Variants in MFSD12 observed in about 807,000 individuals in gnomAD.
MFSD12 encodes the protein major facilitator superfamily domain-containing protein 12.
Under a neutral mutation model 51.2 loss-of-function variants are expected in MFSD12, and 67 were observed. The ratio of observed to expected loss-of-function variants is 1.31; its 90% CI spans 1.08 to 1.60. MFSD12 has a LOEUF of 1.60. Ranked by LOEUF, MFSD12 falls within the 40% of genes most tolerant of loss-of-function variation. The pLI is 0.00. For missense variants in MFSD12, 921 were observed against 673.0 expected (o/e 1.37, Z -4.08); for synonymous variants, 441 against 316.7 (o/e 1.39, Z -4.17).
chr19:3,556,157 C>T (rs1379228111), intron 1 of MFSD12, among the ~76,000 whole-genome samples: 1 of 152,260 alleles, frequency 6.6e-6, no homozygotes, highest in Non-Finnish European at 1.5e-5. Flanking sequence ...CCTCAAACTG[C>T]TGACGCACCA....
chr19:3,545,754 T>G (rs1256867252), intron 8 of MFSD12, among the ~76,000 whole-genome samples: 2 of 152,244 alleles, frequency 1.3e-5, no homozygotes, highest in Non-Finnish European at 2.9e-5. Flanking sequence ...TGCTGTGGTC[T>G]AGAACCATCC....
At chr19:3,543,907 G>A (rs772322108), downstream of MFSD12, 112 of 1,550,960 alleles carry the variant, frequency 7.2e-5, 2 homozygotes, top group South Asian at 4.5e-4. Context: ...GCACCCCAGC[G>A]CCCGCCCGGC....
downstream of MFSD12, chr19:3,539,262 TGAG>T: frequency 6.5e-7 from 1 of 1,543,674 alleles, no homozygotes; most frequent in Non-Finnish European, 8.8e-7. Flanking sequence ...GCTGTACAGG[TGAG>T]CCCCTCCCTA....
chr19:3,544,802 G>A lies in MFSD12; in HGVS notation c.1420+7C>T. The A allele has an allele frequency of 6.2e-7, 1 of 1,611,876 alleles. No homozygotes were observed. ...GTCTGGGGAGGGAGGGGTGGGCCAG[G>A]ACTCACAGCGTCGCAGGCGGGTCGG... On this transcript the variant is annotated splice_region_variant and intron_variant, in intron 9 of 9. Coordinates refer to ENST00000355415, the MANE Select transcript of MFSD12 (RefSeq NM_174983.5).
At chr19:3,549,332 C>T (rs955378289) in intron 2 of MFSD12, among the ~76,000 whole-genome samples, 1 of 152,202 alleles carries the variant, frequency 6.6e-6, no homozygotes, top group African/African-American at 2.4e-5. Context: ...ATGTTACTCC[C>T]AGGATGTAGC....
At chr19:3,541,381 G>A (rs895562252), downstream of MFSD12, among the ~76,000 whole-genome samples, 4 of 150,916 alleles carry the variant, frequency 2.7e-5, no homozygotes, top group East Asian at 2.0e-4. Context: ...GGAGTGCAGT[G>A]GAATGATCTC....
Position 3,544,915 on chromosome 19 carries a change from G to C in MFSD12, c.1314C>G (p.Cys438Trp), listed in dbSNP as rs747590330. The part of the protein sequence containing the change: ...PCPSELCCRA[C>W]VSFYHWAMVA... ...CCATCGCCCAGTGGTAAAAGCTCACGCAGGCCCTGCAGCAGAGCTCTGAGC... is the reference window on the plus strand; with the variant it reads ...CCATCGCCCAGTGGTAAAAGCTCACCCAGGCCCTGCAGCAGAGCTCTGAGC... Residue 438 changes from cysteine (C) to tryptophan (W), a missense_variant, in exon 9 of 10, where the codon TGC becomes TGG. Transcript: ENST00000355415. 3.8e-5 allele frequency: 61 copies of C among 1,610,046 alleles called. No individual in the cohort carries two copies.
chr19:3,546,759 G>C (rs1488412164), intron 6 of MFSD12, among the ~76,000 whole-genome samples: 4 of 152,242 alleles, frequency 2.6e-5, no homozygotes, highest in South Asian at 2.1e-4. Context: ...GAAAGCGCCA[G>C]AGCTCCATGG....
Position 3,557,174 on chromosome 19 carries a change from C to T in MFSD12, c.230G>A (p.Gly77Asp), listed in dbSNP as rs1316178502. 1.9e-6 allele frequency: 3 copies of T among 1,540,440 alleles called. No individual in the cohort carries two copies. The highest frequency in any genetic ancestry group is 2.6e-6 in the Non-Finnish European group (3 of 1,145,954). The change falls in exon 1 of 10, where the codon GGC becomes GAC. Residue 77 changes from glycine to aspartate, a missense_variant. Gly to Asp is a moderately conservative substitution (Grantham distance 94). Transcript: ENST00000355415. ...VADGLCTPLV[G>D]YEADRAASCC... ...GCTGGCGGCGCGGTCGGCCTCGTAG[C>T]CCACGAGCGGTGTGCACAGCCCGTC...
chr19:3,554,613 C>G (rs2031644454), intron 1 of MFSD12, among the ~76,000 whole-genome samples: 1 of 152,222 alleles, frequency 6.6e-6, no homozygotes, highest in Non-Finnish European at 1.5e-5. Flanking sequence ...GTTTCTGCTA[C>G]TTGGAATGCG....
chr19:3,554,938 A>C (rs1370101677), intron 1 of MFSD12, among the ~76,000 whole-genome samples: 2 of 151,818 alleles, frequency 1.3e-5, no homozygotes, highest in African/African-American at 4.8e-5. Context: ...CTCCAGGCCC[A>C]CCCAGGTGGC....
chr19:3,551,291 C>T lies in MFSD12; in HGVS notation c.299-97G>A. ...GGGAGGAGAGAGGGAAACTGAGGCA[C>T]AGATGGAGACGCCCCCCGCATGCAC... is the stretch of plus-strand genomic sequence containing the variant. On this transcript the variant is annotated intron_variant, in intron 1 of 9. Coordinates refer to ENST00000355415, the MANE Select transcript of MFSD12 (RefSeq NM_174983.5). This position sits in a 1 kb window ranked among gnomAD's most constrained non-coding sequence, Gnocchi z 4.6. The T allele has an allele frequency of 1.0e-6, 1 of 961,754 alleles. No homozygotes were observed. The highest frequency in any genetic ancestry group is 1.5e-6 in the Non-Finnish European group (1 of 657,738). The allele number at this position is 961,754 out of a possible 1,614,324, so 59.6% of individuals were successfully genotyped here.
intron 4 of MFSD12, chr19:3,538,849 C>T: frequency 3.5e-6 from 2 of 571,262 alleles, no homozygotes; most frequent in Non-Finnish European, 6.9e-6. Context: ...GGCACTGCCT[C>T]CTGCGATCGA....
Position 3,557,221 on chromosome 19 carries a change from C to G in MFSD12, c.183G>C (p.Leu61=). 6.3e-7 allele frequency: 1 copy of G among 1,586,654 alleles called. No individual in the cohort carries two copies. Among genetic ancestry groups the G allele is most frequent in the African/African-American group, 1.4e-5 (1 of 72,998 alleles). ...CGTCGGCCACCTGGCCCAGCAGCAG[C>G]AGCAGCCCCGCGCCGCGGGAGCTGT... The part of the protein sequence containing the change: ...RAYSSRGAGL[L]LLLGQVADGL... The change falls in exon 1 of 10, where the codon CTG becomes CTC. Residue 61 remains leucine (L), a synonymous_variant. Transcript: ENST00000355415.
chr19:3,552,466 CCTT>C (rs1174549462), intron 1 of MFSD12, among the ~76,000 whole-genome samples: 470 of 112,266 alleles, frequency 4.2e-3, no homozygotes, highest in Non-Finnish European at 6.5e-3. Flanking sequence ...CCGCGCCCCG[CCTT>C]TTTTTTTTTT....
downstream of MFSD12, chr19:3,543,728 C>T (rs374744253): frequency 6.7e-5 from 100 of 1,494,208 alleles, no homozygotes; most frequent in Non-Finnish European, 8.5e-5. Flanking sequence ...GGGGACAAGG[C>T]CACCTAGGCC....
downstream of MFSD12, chr19:3,543,577 G>C: frequency 6.5e-7 from 1 of 1,542,852 alleles, no homozygotes; most frequent in Non-Finnish European, 8.7e-7. Flanking sequence ...ACCTGCGGGA[G>C]ACCGCCTGGC....
downstream of MFSD12, chr19:3,543,371 G>A (rs1200926085): frequency 2.1e-5 from 33 of 1,549,180 alleles, no homozygotes; most frequent in Non-Finnish European, 2.7e-5. Context: ...GGACGCCTGG[G>A]AAGCCTGGTA....
downstream of MFSD12, chr19:3,540,131 T>C (rs1345004660): frequency 6.7e-6 from 1 of 149,168 alleles, no homozygotes; most frequent in African/African-American, 2.5e-5. Flanking sequence ...TCTCATACTG[T>C]TGCCCAGGCT....
Sources: allele counts gnomAD v4.1 joint callset (sites outside exome capture counted in the v4.1 genomes callset), GRCh38; gene constraint gnomAD v4.1.1; non-coding constraint Gnocchi (gnomAD v3.1); transcripts MANE v1.5; gene names NCBI Gene and HGNC (gene_info 2026-07-23, HGNC 2026-07-21).